CWF19L2: variants seen among roughly 807,000 people sequenced by gnomAD.
The protein encoded by CWF19L2 is CWF19-like protein 2.
A neutral mutation model predicts 111.7 loss-of-function variants in CWF19L2; 98 were observed. The ratio of observed to expected loss-of-function variants is 0.88; its 90% CI spans 0.75 to 1.04. The LOEUF (loss-of-function observed/expected upper bound fraction) is 1.04, where lower values mean the gene tolerates loss of function less well. Ranked by LOEUF, CWF19L2 falls within the 50% of genes least tolerant of loss-of-function variation. CWF19L2 has a pLI of 0.00. For synonymous variants in CWF19L2, 351 were observed against 342.9 expected (o/e 1.02, Z -0.26); for missense variants, 1,101 against 1,051.4 (o/e 1.05, Z -0.65).
At chr11:107,455,934 A>G (rs1861848054) in intron 1 of CWF19L2, among the ~76,000 whole-genome samples, 158 bp from the exon 2 acceptor site, 1 of 152,196 alleles carries the variant, frequency 6.6e-6, no homozygotes, top group Non-Finnish European at 1.5e-5. Context: ...GTGTAAAAAA[A>G]TAAAAAAATA....
chr11:107,389,148 C>G (rs1174186615), intron 12 of CWF19L2, among the ~76,000 whole-genome samples: 2 of 152,268 alleles, frequency 1.3e-5, no homozygotes, highest in Admixed American at 1.3e-4. Context: ...AAAAGATATA[C>G]AGTGAAAGGT....
chr11:107,326,779 G>C lies in CWF19L2; in HGVS notation c.*131C>G. 1 of 648,130 alleles carries C rather than the reference G, an allele frequency of 1.5e-6. No individual in the cohort carries two copies. The highest frequency in any genetic ancestry group is 2.5e-6 in the Non-Finnish European group (1 of 395,298). 40.1% of individuals were successfully genotyped at this position (648,130 alleles called of 1,614,324 possible). A position where few individuals can be genotyped will look rare whatever the true frequency, so the allele number is the denominator to read the frequency against. On this transcript the variant is annotated 3_prime_UTR_variant, in exon 18 of 18. Transcript: ENST00000282251. ...CAACACAATCTCCTGATGTACAGTT[G>C]TCACTGACCCAGAGCAGTCTGCTGC...
intron 3 of CWF19L2, 60 bp from the exon 4 acceptor site, chr11:107,443,109 C>G (rs1861655104): frequency 1.7e-6 from 2 of 1,156,774 alleles, no homozygotes; most frequent in South Asian, 2.6e-5. Flanking sequence ...TATAAAAATT[C>G]TGTGCTGTTA....
intron 8 of CWF19L2, 146 bp downstream of exon 8, chr11:107,428,653 T>C: frequency 1.5e-6 from 1 of 663,580 alleles, no homozygotes; most frequent in Non-Finnish European, 2.5e-6. Flanking sequence ...CAATACTGCC[T>C]GTTAAATCTG....
At chr11:107,361,496 T>C (rs1376569860) in intron 12 of CWF19L2, among the ~76,000 whole-genome samples, 2 of 152,208 alleles carry the variant, frequency 1.3e-5, no homozygotes, top group African/African-American at 2.4e-5. Flanking sequence ...ATATTGTTTG[T>C]TCTAATTCTG....
At chr11:107,329,892 G>A (rs1394342278) in intron 17 of CWF19L2, 26 bp downstream of exon 17, 2 of 1,482,192 alleles carry the variant, frequency 1.3e-6, no homozygotes, top group South Asian at 1.3e-5. Flanking sequence ...GCTAACTCTG[G>A]GATTTTATCA....
intron 16 of CWF19L2, among the ~76,000 whole-genome samples, chr11:107,334,554 C>T (rs374998600): frequency 1.3e-5 from 2 of 152,140 alleles, no homozygotes; most frequent in Non-Finnish European, 2.9e-5. Context: ...CAGGAAGGCC[C>T]TTCTCACCAT....
At chr11:107,434,736 T>C (rs896123427) in intron 6 of CWF19L2, among the ~76,000 whole-genome samples, 75 of 149,668 alleles carry the variant, frequency 5.0e-4, no homozygotes, top group African/African-American at 1.8e-3. Context: ...TCTCAAAATG[T>C]GGGCAAAAGG....
intron 12 of CWF19L2, among the ~76,000 whole-genome samples, chr11:107,380,755 A>T (rs1411619408): frequency 6.6e-6 from 1 of 152,186 alleles, no homozygotes; most frequent in Non-Finnish European, 1.5e-5. Flanking sequence ...TTGAAAGCAG[A>T]GACTTGCACA....
intron 10 of CWF19L2, among the ~76,000 whole-genome samples, chr11:107,411,718 T>A (rs77365469): frequency 0.013 from 1,959 of 152,328 alleles, 35 homozygotes; most frequent in African/African-American, 0.044. Context: ...TCCTATGCTC[T>A]CATACATTTA....
At chr11:107,345,037 T>C (rs746971467) in intron 14 of CWF19L2, among the ~76,000 whole-genome samples, 1 of 152,148 alleles carries the variant, frequency 6.6e-6, no homozygotes, top group Admixed American at 6.6e-5. Flanking sequence ...GGAGGAGGCA[T>C]GGCTCGTGCC....
At chr11:107,429,692 C>CTG (rs1861436426) in intron 7 of CWF19L2, among the ~76,000 whole-genome samples, 1 of 151,840 alleles carries the variant, frequency 6.6e-6, no homozygotes, top group South Asian at 2.1e-4. Context: ...ACCAAACACT[C>CTG]TGCACTAACA....
intron 10 of CWF19L2, among the ~76,000 whole-genome samples, chr11:107,395,960 C>T (rs487984): frequency 0.54 from 81,784 of 152,030 alleles, 23,065 homozygotes; most frequent in African/African-American, 0.72. Flanking sequence ...GCTGGCACCT[C>T]AGACAGATTA....
chr11:107,365,287 C>A (rs1488428072), intron 12 of CWF19L2, among the ~76,000 whole-genome samples: 2 of 136,948 alleles, frequency 1.5e-5, no homozygotes, highest in African/African-American at 5.7e-5. Context: ...CTATTCCAAT[C>A]AATAGAAAAA....
At chr11:107,381,361 C>A (rs1860683804) in intron 12 of CWF19L2, among the ~76,000 whole-genome samples, 1 of 152,150 alleles carries the variant, frequency 6.6e-6, no homozygotes, top group African/African-American at 2.4e-5. Context: ...TTCAGAAAAA[C>A]AAAAATTATT....
Position 107,455,789 on chromosome 11 carries a change from A to C in CWF19L2, c.106-13T>G, listed in dbSNP as rs769300336. On this transcript the variant is annotated splice_polypyrimidine_tract_variant and intron_variant, in intron 1 of 17. Coordinates refer to ENST00000282251, the MANE Select transcript of CWF19L2 (RefSeq NM_152434.3). Reference sequence around the variant, plus strand: ...AATTGGCTTTAGCCTACAACCAAAGAAAAAAAAAAGACAAACTGGCAATTG... The same window carrying C: ...AATTGGCTTTAGCCTACAACCAAAGCAAAAAAAAAGACAAACTGGCAATTG... 2.5e-4 allele frequency: 343 copies of C among 1,345,510 alleles called. 1 individual carries two copies. The highest frequency in any genetic ancestry group is 1.3e-5 in the Non-Finnish European group (13 of 992,468). 83.3% of individuals were successfully genotyped at this position (1,345,510 alleles called of 1,614,324 possible).
intron 12 of CWF19L2, among the ~76,000 whole-genome samples, chr11:107,368,495 G>T (rs1396343074): frequency 7.3e-6 from 1 of 137,684 alleles, no homozygotes; most frequent in African/African-American, 2.9e-5. Flanking sequence ...ACATCCACTT[G>T]CCGTCACAGT....
rs570376576 is a variant in CWF19L2 at position 107,338,871 on chromosome 11, A to G, written c.2203-2158T>C. Among the ~76,000 whole-genome samples the G allele has an allele frequency of 4.6e-5, 7 of 152,304 alleles. No homozygotes were observed. In the South Asian group the frequency reaches 6.2e-4, roughly 14 times the overall value. Reference sequence around the variant, plus strand: ...GTTTGCTATTGTGAATAGTGCTGCAATGAACACATGTGTGCATGTATCTTT... The same window carrying G: ...GTTTGCTATTGTGAATAGTGCTGCAGTGAACACATGTGTGCATGTATCTTT... On this transcript the variant is annotated intron_variant, in intron 14 of 17. Transcript: ENST00000282251.
chr11:107,346,468 G>A (rs1166931456), intron 14 of CWF19L2, among the ~76,000 whole-genome samples: 2 of 152,156 alleles, frequency 1.3e-5, no homozygotes, highest in African/African-American at 4.8e-5. Flanking sequence ...TCATACCTTG[G>A]GGAGGAGAAA....
Sources: allele counts gnomAD v4.1 joint callset (sites outside exome capture counted in the v4.1 genomes callset), GRCh38; gene constraint gnomAD v4.1.1; transcripts MANE v1.5; gene names NCBI Gene and HGNC (gene_info 2026-07-23, HGNC 2026-07-21).